The following SLC29A3 variants were observed in gnomAD, a reference collection of about 807,000 sequenced individuals.
SLC29A3 encodes equilibrative nucleoside transporter 3.
A neutral mutation model predicts 25.4 loss-of-function variants in SLC29A3; 18 were observed. The ratio of observed to expected loss-of-function variants is 0.71; its 90% CI spans 0.49 to 1.05. SLC29A3 has a LOEUF of 1.05. SLC29A3 is among the 50% of genes least tolerant of loss of function. SLC29A3 has a pLI of 0.00. For synonymous variants in SLC29A3, 258 were observed against 267.1 expected, an observed-to-expected ratio of 0.97 and a Z score of 0.33; for missense variants, 586 against 609.0, an observed-to-expected ratio of 0.96 and a Z score of 0.40.
chr10:71,356,019 G>T, intron 4 of SLC29A3, 62 bp from the exon 5 acceptor site: 1 of 1,588,932 alleles, frequency 6.3e-7, no homozygotes, highest in Admixed American at 1.7e-5. Flanking sequence ...GCAGGGAGGG[G>T]CCCGCAGCCA....
chr10:71,338,455 G>A (rs1846310689), intron 2 of SLC29A3, among the ~76,000 whole-genome samples: 2 of 152,172 alleles, frequency 1.3e-5, no homozygotes, highest in African/African-American at 2.4e-5. Flanking sequence ...TGCAGAAAGA[G>A]GAGAAAGAAA....
intron 3 of SLC29A3, among the ~76,000 whole-genome samples, chr10:71,371,327 A>G (rs1376174715): frequency 2.0e-5 from 3 of 152,124 alleles, no homozygotes; most frequent in Admixed American, 1.3e-4. Flanking sequence ...GAGTTTAACC[A>G]GGGCAGAATG....
chr10:71,343,019 G>A (rs955952946), intron 2 of SLC29A3, among the ~76,000 whole-genome samples: 3 of 152,184 alleles, frequency 2.0e-5, no homozygotes, highest in Non-Finnish European at 4.4e-5. Context: ...TCACTCTGTT[G>A]CCCAGGCTAA....
intron 4 of SLC29A3, among the ~76,000 whole-genome samples, chr10:71,355,049 A>C (rs962401991): frequency 6.6e-6 from 1 of 152,220 alleles, no homozygotes; most frequent in Non-Finnish European, 1.5e-5. Context: ...TCCCAGAAGC[A>C]ACAATGCAGT....
At chr10:71,334,448 T>C (rs1846194184) in intron 2 of SLC29A3, among the ~76,000 whole-genome samples, 1 of 152,210 alleles carries the variant, frequency 6.6e-6, no homozygotes. Context: ...TAGTGGTACC[T>C]ACCCTGCTGA....
chr10:71,380,887 C>T (rs1341582067), exon 5 of SLC29A3: 2 of 152,008 alleles, frequency 1.3e-5, no homozygotes, highest in African/African-American at 2.4e-5. Context: ...TTTTTTTAAA[C>T]AAAACTTTAT....
chr10:71,322,724 C>T (rs781503703), intron 1 of SLC29A3, 32 bp from the exon 2 acceptor site: 7 of 1,613,608 alleles, frequency 4.3e-6, no homozygotes, highest in South Asian at 1.1e-5. Context: ...TACTCACCTA[C>T]CCTGTCTCTG....
chr10:71,356,070 G>C lies in SLC29A3; in HGVS notation c.611-11G>C. 6.2e-7 allele frequency: 1 copy of C among 1,613,604 alleles called. No individual in the cohort carries two copies. The highest frequency in any genetic ancestry group is 2.2e-5 in the East Asian group (1 of 44,886). On this transcript the variant is annotated splice_polypyrimidine_tract_variant and intron_variant, in intron 4 of 5. Coordinates refer to ENST00000373189, the MANE Select transcript of SLC29A3 (RefSeq NM_018344.6). The stretch of plus-strand genomic sequence containing the variant: ...CCCTCACCATCTCTGCGTGTCCTCT[G>C]TTCTCTGCAGGAGGAGCCATGGGCG...
chr10:71,351,376 A>G (rs2131838647), intron 3 of SLC29A3, among the ~76,000 whole-genome samples, 186 bp from the exon 4 acceptor site: 1 of 152,332 alleles, frequency 6.6e-6, no homozygotes, highest in South Asian at 2.1e-4. Flanking sequence ...AGAGCAACTG[A>G]GTCCCTTACC....
intron 2 of SLC29A3, among the ~76,000 whole-genome samples, chr10:71,335,301 G>A (rs1391391210): frequency 2.0e-5 from 3 of 152,228 alleles, no homozygotes; most frequent in African/African-American, 7.2e-5. Context: ...CCCGCGAATC[G>A]GCCCTCAGCC....
intron 2 of SLC29A3, among the ~76,000 whole-genome samples, chr10:71,337,408 A>G (rs1452863865): frequency 6.6e-6 from 1 of 152,256 alleles, no homozygotes; most frequent in Non-Finnish European, 1.5e-5. Context: ...CAAGTTTGCA[A>G]TGGCAAACTA....
intron 5 of SLC29A3, among the ~76,000 whole-genome samples, chr10:71,357,419 A>T (rs1454776860): frequency 2.0e-5 from 3 of 152,094 alleles, no homozygotes; most frequent in Admixed American, 6.5e-5. Context: ...CATCTCAAAA[A>T]AAAAAAGCTT....
chr10:71,367,207 G>GTA (rs3059639), downstream of SLC29A3, among the ~76,000 whole-genome samples: 114,018 of 151,854 alleles, frequency 0.75, 43,967 homozygotes, highest in Non-Finnish European at 0.85. Context: ...CGTGGTGATG[G>GTA]TAGAGCCTGG....
chr10:71,360,445 C>T (rs545323556), intron 5 of SLC29A3, among the ~76,000 whole-genome samples: 2 of 152,148 alleles, frequency 1.3e-5, no homozygotes, highest in South Asian at 2.1e-4. Flanking sequence ...TGTCTTCTAC[C>T]GAAGGAGACA....
At chr10:71,346,122 A>C (rs1846571453) in intron 3 of SLC29A3, among the ~76,000 whole-genome samples, 1 of 152,180 alleles carries the variant, frequency 6.6e-6, no homozygotes, top group Non-Finnish European at 1.5e-5. Context: ...CAGGGGCACC[A>C]TGGGACAGCT....
At chr10:71,335,791 G>A (rs2131814257) in intron 2 of SLC29A3, among the ~76,000 whole-genome samples, 1 of 152,188 alleles carries the variant, frequency 6.6e-6, no homozygotes, top group East Asian at 1.9e-4. Context: ...CGGTTGTTCT[G>A]GATGAAGAGA....
At chr10:71,342,335 C>T (rs765393110) in intron 2 of SLC29A3, among the ~76,000 whole-genome samples, 34 of 152,296 alleles carry the variant, frequency 2.2e-4, no homozygotes, top group Admixed American at 9.8e-4. Flanking sequence ...GGAATGATGG[C>T]CTGGCCTCAA....
intron 2 of SLC29A3, among the ~76,000 whole-genome samples, chr10:71,332,301 C>T (rs1846139491): frequency 6.6e-6 from 1 of 152,026 alleles, no homozygotes; most frequent in Non-Finnish European, 1.5e-5. Context: ...AGGCGCCCGC[C>T]ACCACACCTG....
intron 3 of SLC29A3, among the ~76,000 whole-genome samples, chr10:71,345,947 A>T (rs1476834502): frequency 6.6e-6 from 1 of 152,240 alleles, no homozygotes; most frequent in Non-Finnish European, 1.5e-5. Context: ...CAGCCCAGAT[A>T]GCCTAGAGAG....
Sources: gnomAD v4.1 joint callset for allele counts (sites outside exome capture counted in the v4.1 genomes callset) on GRCh38, gnomAD v4.1.1 for gene constraint, MANE v1.5 for transcripts, NCBI Gene and HGNC (gene_info 2026-07-23, HGNC 2026-07-21) for gene names.